Variants in BDP1 observed in about 807,000 individuals in gnomAD.
BDP1 encodes the protein transcription factor TFIIIB component B'' homolog.
In BDP1, 169 loss-of-function variants were observed where a neutral mutation model predicts 266.6. The ratio of observed to expected loss-of-function variants is 0.63; its 90% CI spans 0.56 to 0.72. The LOEUF (loss-of-function observed/expected upper bound fraction) is 0.72. BDP1 is among the 30% of genes least tolerant of loss of function. The pLI is 0.00. For missense variants in BDP1, 3,015 were observed against 3,053.8 expected (o/e 0.99, Z 0.30); for synonymous variants, 1,090 against 1,022.4 (o/e 1.07, Z -1.26).
chr5:71,551,769 AG>A (rs1742783136), intron 34 of BDP1, among the ~76,000 whole-genome samples: 3 of 124,788 alleles, frequency 2.4e-5, no homozygotes, highest in South Asian at 5.5e-4. Context: ...GCTGGCCGGG[AG>A]GGGGGCTGAC....
At chr5:71,508,003 T>C (rs2150462820) in intron 16 of BDP1, among the ~76,000 whole-genome samples, 1 of 152,320 alleles carries the variant, frequency 6.6e-6, no homozygotes, top group South Asian at 2.1e-4. Flanking sequence ...TCTTACTCTG[T>C]TGCCCAGGTG....
Position 71,510,482 on chromosome 5 carries a change from G to C in BDP1, c.3390G>C (p.Lys1130Asn), listed in dbSNP as rs1764848710. The change falls in exon 17 of 39, where the codon AAG becomes AAC. Residue 1130 changes from lysine to asparagine, a missense_variant. Lys to Asn is a moderately conservative substitution (Grantham distance 94, BLOSUM62 0). Around this residue, in one of 3 missense-constraint regions of BDP1, gnomAD observed 2,383 missense variants for 2,404.9 expected, o/e 0.99. Coordinates refer to ENST00000358731, the MANE Select transcript of BDP1 (RefSeq NM_018429.3). ...ATGREISPREKTPEVIDATEE... is the reference protein window; with the variant it reads ...ATGREISPRENTPEVIDATEE... ...GAAGGGAGATTTCCCCAAGGGAGAAGACACCAGAGGTGATTGATGCCACTG... is the reference window on the plus strand; with the variant it reads ...GAAGGGAGATTTCCCCAAGGGAGAACACACCAGAGGTGATTGATGCCACTG... 6.2e-7 allele frequency: 1 copy of C among 1,613,232 alleles called. No individual in the cohort carries two copies. The highest frequency in any genetic ancestry group is 1.7e-5 in the Admixed American group (1 of 59,798).
At chr5:71,515,218 T>C in intron 20 of BDP1, 96 bp downstream of exon 20, 1 of 960,778 alleles carries the variant, frequency 1.0e-6, no homozygotes, top group Non-Finnish European at 1.5e-6. Context: ...ATTTAAAAAG[T>C]GAACATAAAG....
intron 13 of BDP1, among the ~76,000 whole-genome samples, chr5:71,500,847 C>A (rs1304077497): frequency 1.3e-5 from 2 of 151,818 alleles, no homozygotes; most frequent in East Asian, 3.9e-4. Flanking sequence ...CACCTGTAAG[C>A]CCAGCCCTTT....
chr5:71,528,861 A>G (rs181499606), intron 25 of BDP1, among the ~76,000 whole-genome samples: 1 of 152,360 alleles, frequency 6.6e-6, no homozygotes, highest in African/African-American at 2.4e-5. Flanking sequence ...ATGCTGCATG[A>G]GAGTTCATTT....
chr5:71,488,218 C>T (rs563841645), intron 9 of BDP1, among the ~76,000 whole-genome samples: 166 of 151,948 alleles, frequency 1.1e-3, no homozygotes, highest in Non-Finnish European at 1.8e-3. Flanking sequence ...CTTCACTGCT[C>T]GAGTTCAAGC....
chr5:71,512,432 C>A lies in BDP1; in HGVS notation c.4247+4C>A. 2 of 1,499,026 alleles carry A rather than the reference C, an allele frequency of 1.3e-6. No individual in the cohort carries two copies. The highest frequency in any genetic ancestry group is 1.4e-5 in the South Asian group (1 of 70,776). The allele number at this position is 1,499,026 out of a possible 1,614,324, so 92.9% of individuals were successfully genotyped here. Reference sequence around the variant, plus strand: ...AGTTTTCAGATATTAATTTAAGGTACAAGTGTGTTTTTAAAGAAAAAGATA... The same window carrying A: ...AGTTTTCAGATATTAATTTAAGGTAAAAGTGTGTTTTTAAAGAAAAAGATA... On this transcript the variant is annotated splice_donor_region_variant and intron_variant, in intron 18 of 38. Transcript: ENST00000358731.
chr5:71,554,966 T>C (rs751449194), intron 35 of BDP1, among the ~76,000 whole-genome samples: 14 of 152,166 alleles, frequency 9.2e-5, no homozygotes, highest in Admixed American at 8.5e-4. Flanking sequence ...TTGAGTGTCA[T>C]GTCAGCACTC....
At chr5:71,467,589 A>AGTTT in intron 6 of BDP1, 102 bp downstream of exon 6, 6 of 959,894 alleles carry the variant, frequency 6.3e-6, no homozygotes, top group Non-Finnish European at 9.4e-6. Flanking sequence ...AATGCAAACT[A>AGTTT]CCATTTTATT....
chr5:71,546,699 TA>T (rs1223953082), intron 32 of BDP1, among the ~76,000 whole-genome samples: 1 of 151,398 alleles, frequency 6.6e-6, no homozygotes, highest in African/African-American at 2.4e-5. Flanking sequence ...CCTCATCTTG[TA>T]TCTAATAAGG....
chr5:71,462,088 G>A (rs948966929), intron 3 of BDP1, among the ~76,000 whole-genome samples, 162 bp downstream of exon 3: 5 of 150,684 alleles, frequency 3.3e-5, no homozygotes, highest in Admixed American at 1.3e-4. Flanking sequence ...TCAGATTCGC[G>A]GGTAGCTGGG....
intron 16 of BDP1, among the ~76,000 whole-genome samples, chr5:71,507,437 C>A (rs758887625): frequency 2.0e-5 from 3 of 152,248 alleles, no homozygotes; most frequent in Non-Finnish European, 4.4e-5. Context: ...TTTAAAAAAT[C>A]TAAGCACATA....
intron 6 of BDP1, among the ~76,000 whole-genome samples, chr5:71,469,375 G>C (rs1210696266): frequency 6.6e-6 from 1 of 151,760 alleles, no homozygotes; most frequent in Non-Finnish European, 1.5e-5. Context: ...CTGACCTCAA[G>C]TGATCTGCCC....
chr5:71,538,594 G>A (rs1326593631), intron 26 of BDP1, among the ~76,000 whole-genome samples: 1 of 152,122 alleles, frequency 6.6e-6, no homozygotes, highest in Non-Finnish European at 1.5e-5. Flanking sequence ...TCAAGCTGTC[G>A]CTCTGGACAT....
intron 7 of BDP1, among the ~76,000 whole-genome samples, chr5:71,471,174 G>C (rs13153636): frequency 3.8e-5 from 5 of 132,640 alleles, no homozygotes; most frequent in Non-Finnish European, 7.8e-5. Context: ...ATGGAGTCTC[G>C]CTCTGTTGCC....
chr5:71,539,716 C>G, intron 28 of BDP1, 67 bp downstream of exon 28: 1 of 1,053,768 alleles, frequency 9.5e-7, no homozygotes, highest in African/African-American at 1.6e-5. Flanking sequence ...AAATTATACC[C>G]ACATTTGAGT....
rs528213531 is a variant in BDP1, at chr5:71,502,214, T to A, written c.2049-385T>A. The stretch of plus-strand genomic sequence containing the variant: ...CTTTTTTTTTTTTTTTGAGATGGAA[T>A]CTCGCTCTGTCACGTAGTGGTGCAG... On this transcript the variant is annotated intron_variant, in intron 14 of 38. Coordinates refer to ENST00000358731, the MANE Select transcript of BDP1 (RefSeq NM_018429.3). Among the ~76,000 whole-genome samples the A allele has an allele frequency of 2.0e-5, 3 of 148,128 alleles. No homozygotes were observed. The East Asian group carries it at 6.0e-4, about 30-fold the overall frequency.
intron 7 of BDP1, among the ~76,000 whole-genome samples, chr5:71,481,871 G>A (rs1451004470): frequency 6.6e-6 from 1 of 152,160 alleles, no homozygotes; most frequent in Admixed American, 6.6e-5. Flanking sequence ...GTGAGAGAAG[G>A]GAATGCATTG....
At position 71,510,414 on chromosome 5, in the gene BDP1, G is replaced by A. The variant is rs1456757475; in HGVS notation, c.3322G>A (p.Val1108Ile). 6.2e-7 allele frequency: 1 copy of A among 1,614,058 alleles called. No homozygotes were observed. The highest frequency in any genetic ancestry group is 1.1e-5 in the South Asian group (1 of 91,084). Residue 1108 changes from valine to isoleucine, a missense_variant, in exon 17 of 39, where the codon GTT becomes ATT. Transcript: ENST00000358731. ...ISPQENGLEE[V>I]KPLGEMQTDL... Reference sequence around the variant, plus strand: ...CCCACAGGAAAATGGCCTAGAGGAGGTTAAGCCTCTAGGTGAAATGCAAAC... The same window carrying A: ...CCCACAGGAAAATGGCCTAGAGGAGATTAAGCCTCTAGGTGAAATGCAAAC...
Sources: gnomAD v4.1 joint callset for allele counts (sites outside exome capture counted in the v4.1 genomes callset) on GRCh38, gnomAD v4.1.1 for gene constraint, gnomAD v4.1.1 regional missense constraint, MANE v1.5 for transcripts, NCBI Gene and HGNC (gene_info 2026-07-23, HGNC 2026-07-21) for gene names.